Variants in TNKS observed in about 807,000 individuals in gnomAD.
The protein encoded by TNKS is poly [ADP-ribose] polymerase tankyrase-1.
Under a neutral mutation model 135.8 loss-of-function variants are expected in TNKS, and 72 were observed. The observed-to-expected ratio is 0.53, with a 90% CI of 0.44 to 0.64. TNKS has a LOEUF of 0.64. Ranked by LOEUF, TNKS falls within the 30% of genes least tolerant of loss-of-function variation. TNKS has a pLI of 0.00. For synonymous variants in TNKS, 849 were observed against 649.3 expected (o/e 1.31, Z -4.68); for missense variants, 1,769 against 1,674.0 (o/e 1.06, Z -0.99).
intron 17 of TNKS, among the ~76,000 whole-genome samples, chr8:9,745,430 G>A (rs1241880789): frequency 6.6e-6 from 1 of 151,824 alleles, no homozygotes; most frequent in Non-Finnish European, 1.5e-5. Context: ...TTTTGAGATG[G>A]AATCTCACTC....
At position 9,749,366 on chromosome 8, in the gene TNKS, G is replaced by T. The variant is rs551494275; in HGVS notation, c.2832+1154G>T. Among the ~76,000 whole-genome samples the T allele has an allele frequency of 4.6e-5, 7 of 152,256 alleles. No individual in the cohort carries two copies. The South Asian group carries it at 8.3e-4, about 18-fold the overall frequency. ...AAATTCAGCCAGACACATGTTATCA[G>T]GGCCATCTACTCTGGAGTTAGGGAA... On this transcript the variant is annotated intron_variant, in intron 18 of 26. Transcript: ENST00000310430.
chr8:9,575,393 G>C (rs1006884842), intron 1 of TNKS: 1 of 985,196 alleles, frequency 1.0e-6, no homozygotes, highest in African/African-American at 1.7e-5. Flanking sequence ...TTTTTAAGAG[G>C]AACAAGGTGG....
intron 12 of TNKS, among the ~76,000 whole-genome samples, chr8:9,726,427 A>G (rs1644377233): frequency 6.6e-6 from 1 of 152,176 alleles, no homozygotes; most frequent in Non-Finnish European, 1.5e-5. Context: ...AAAAAAAGTA[A>G]ACATTAAGTA....
chr8:9,570,224 G>A (rs1797704562), intron 1 of TNKS, among the ~76,000 whole-genome samples: 1 of 152,110 alleles, frequency 6.6e-6, no homozygotes, highest in South Asian at 2.1e-4. Context: ...AGGATTGCTT[G>A]AGCCCAGGAG....
intron 11 of TNKS, among the ~76,000 whole-genome samples, chr8:9,712,306 A>C (rs1251123153): frequency 6.6e-6 from 1 of 151,788 alleles, no homozygotes; most frequent in East Asian, 1.9e-4. Flanking sequence ...ACAGCAAGAC[A>C]CTATCTCTAC....
chr8:9,765,996 G>A (rs1279763466), intron 24 of TNKS, among the ~76,000 whole-genome samples, 199 bp downstream of exon 24: 1 of 152,166 alleles, frequency 6.6e-6, no homozygotes, highest in African/African-American at 2.4e-5. Context: ...TGCATATACA[G>A]TGAAAATACT....
intron 26 of TNKS, among the ~76,000 whole-genome samples, chr8:9,773,065 A>C (rs1238764505): frequency 6.6e-6 from 1 of 151,454 alleles, no homozygotes; most frequent in East Asian, 1.9e-4. Flanking sequence ...GGAAGGAATA[A>C]ATTTGTCATA....
Position 9,777,093 on chromosome 8 carries a change from G to C in TNKS, c.*357G>C. 1 of 233,710 alleles carries C rather than the reference G, an allele frequency of 4.3e-6. No individual in the cohort carries two copies. Among genetic ancestry groups the C allele is most frequent in the African/African-American group, 2.2e-5 (1 of 45,056 alleles). 14.5% of individuals were successfully genotyped at this position (233,710 alleles called of 1,614,324 possible). A position where few individuals can be genotyped will look rare whatever the true frequency, so the allele number is the denominator to read the frequency against. On this transcript the variant is annotated 3_prime_UTR_variant, in exon 27 of 27. Coordinates refer to ENST00000310430, the MANE Select transcript of TNKS (RefSeq NM_003747.3). ...ACAATTCACACACTACATTTGTTTTGTTATGCATGACGTGTCTATAACAAA... is the reference window on the plus strand; with the variant it reads ...ACAATTCACACACTACATTTGTTTTCTTATGCATGACGTGTCTATAACAAA...
chr8:9,690,530 C>T (rs1221392790), intron 5 of TNKS, among the ~76,000 whole-genome samples: 1 of 151,984 alleles, frequency 6.6e-6, no homozygotes, highest in East Asian at 1.9e-4. Flanking sequence ...GAGACCGAGG[C>T]GGGTGGATCA....
At position 9,708,427 on chromosome 8, in the gene TNKS, G is replaced by C. The variant is rs1231382609; in HGVS notation, c.1513G>C (p.Val505Leu). The C allele has an allele frequency of 3.1e-6, 5 of 1,609,500 alleles. No individual in the cohort carries two copies. The highest frequency in any genetic ancestry group is 1.7e-5 in the Admixed American group (1 of 59,728). Residue 505 changes from valine to leucine, a missense_variant, in exon 9 of 27, where the codon GTT becomes CTT. By Grantham distance (32) the Val-to-Leu change is conservative. Coordinates refer to ENST00000310430, the MANE Select transcript of TNKS (RefSeq NM_003747.3). The stretch of plus-strand genomic sequence containing the variant: ...AGCCAGAGAAGCAGACTTAGCTAAA[G>C]TTAAAAAAACACTCGCTCTGGAAAT... The part of the protein sequence containing the change: ...QAAREADLAK[V>L]KKTLALEIIN...
intron 2 of TNKS, among the ~76,000 whole-genome samples, chr8:9,582,796 TCTC>T (rs1178745797): frequency 6.6e-6 from 1 of 152,194 alleles, no homozygotes; most frequent in Non-Finnish European, 1.5e-5. Context: ...GGTGCTAAAA[TCTC>T]AGCCTGAATT....
At position 9,698,529 on chromosome 8, in the gene TNKS, G is replaced by GATT. The variant is rs1803637238; in HGVS notation, c.1108-6132_1108-6130dup. Among the ~76,000 whole-genome samples, 4 of 152,050 alleles carry GATT rather than the reference G, an allele frequency of 2.6e-5. No homozygotes were observed. In the South Asian group the frequency reaches 8.3e-4, roughly 32 times the overall value. On this transcript the variant is annotated intron_variant, in intron 5 of 26. Coordinates refer to ENST00000310430, the MANE Select transcript of TNKS (RefSeq NM_003747.3). ...CTGTAAAACATTCCTGTGTGATAGG[G>GATT]ATTACACTTCCCACTTCACAGATGT...
Position 9,688,112 on chromosome 8 carries a change from T to C in TNKS, c.1107+7312T>C, listed in dbSNP as rs145507227. Among the ~76,000 whole-genome samples the C allele has an allele frequency of 7.1e-4, 108 of 152,354 alleles. 1 individual carries two copies. The highest frequency in any genetic ancestry group is 2.2e-3 in the African/African-American group (92 of 41,594). ...ATGTTTTAATATATGCTTTATAACT[T>C]ACATGTTTCTATGGATTAAATATTA... On this transcript the variant is annotated intron_variant, in intron 5 of 26. Transcript: ENST00000310430.
At chr8:9,654,903 G>C (rs1055955694) in intron 3 of TNKS, among the ~76,000 whole-genome samples, 1 of 151,372 alleles carries the variant, frequency 6.6e-6, no homozygotes, top group Non-Finnish European at 1.5e-5. Flanking sequence ...GTGGGTGCAG[G>C]ACAGTGGGTG....
At chr8:9,740,207 G>T (rs967439427) in intron 17 of TNKS, among the ~76,000 whole-genome samples, 3 of 152,142 alleles carry the variant, frequency 2.0e-5, no homozygotes, top group African/African-American at 7.2e-5. Flanking sequence ...CTCAAGCCTG[G>T]CTCACGGCAG....
intron 1 of TNKS, among the ~76,000 whole-genome samples, chr8:9,564,836 C>A (rs888949596): frequency 2.0e-5 from 3 of 152,060 alleles, no homozygotes; most frequent in African/African-American, 7.2e-5. Context: ...TGCAGCCTCC[C>A]CTTACGGGGC....
intron 26 of TNKS, among the ~76,000 whole-genome samples, chr8:9,770,997 CTAAG>C (rs1371550720): frequency 6.6e-6 from 1 of 152,066 alleles, no homozygotes; most frequent in Non-Finnish European, 1.5e-5. Flanking sequence ...AAGAAAGACT[CTAAG>C]GGTGGACTGA....
Position 9,734,936 on chromosome 8 carries a change from A to T in TNKS, c.2385A>T (p.Thr795=). Residue 795 remains threonine, a synonymous_variant, in exon 16 of 27, where the codon ACA becomes ACT. Transcript: ENST00000310430. ...TGGATTTGGTAAAGGAAGGAGACAC[A>T]GATATTCAGGACTTACTGAGAGGGG... ...TPLDLVKEGD[T]DIQDLLRGDA... 1 of 1,614,202 alleles carries T rather than the reference A, an allele frequency of 6.2e-7. No homozygotes were observed. Among genetic ancestry groups the T allele is most frequent in the Non-Finnish European group, 8.5e-7 (1 of 1,180,024 alleles).
chr8:9,729,574 A>T (rs1234262048), intron 13 of TNKS, among the ~76,000 whole-genome samples: 2 of 152,130 alleles, frequency 1.3e-5, no homozygotes, highest in Non-Finnish European at 2.9e-5. Context: ...AAAGACTAAG[A>T]GGTTAAAAAT....
Sources: allele counts gnomAD v4.1 joint callset (sites outside exome capture counted in the v4.1 genomes callset), GRCh38; gene constraint gnomAD v4.1.1; transcripts MANE v1.5; gene names NCBI Gene and HGNC (gene_info 2026-07-23, HGNC 2026-07-21).